The following PEMT variants were observed in gnomAD, a reference collection of about 807,000 sequenced individuals.
PEMT encodes phospholipid methyltransferase.
In PEMT, 23 loss-of-function variants were observed where a neutral mutation model predicts 27.4. That is an observed-to-expected ratio of 0.84 (90% CI 0.60 to 1.19). PEMT has a LOEUF of 1.19. Ranked by LOEUF, PEMT falls within the 50% of genes most tolerant of loss-of-function variation. The pLI, the probability that PEMT is intolerant of heterozygous loss-of-function variation, is 0.00. For synonymous variants in PEMT, 137 were observed against 139.1 expected, an observed-to-expected ratio of 0.98 and a Z score of 0.11; for missense variants, 307 against 310.1, an observed-to-expected ratio of 0.99 and a Z score of 0.07.
At chr17:17,507,173 G>A in intron 5 of PEMT, 1 of 1,561,078 alleles carries the variant, frequency 6.4e-7, no homozygotes, top group Non-Finnish European at 8.7e-7. Context: ...AGTTACCTCT[G>A]ATCCCACAGC....
intron 2 of PEMT, chr17:17,570,930 G>C: frequency 1.0e-6 from 1 of 984,972 alleles, no homozygotes; most frequent in Non-Finnish European, 1.2e-6. Flanking sequence ...GGAGTGATAG[G>C]GAAAGAACAG....
At chr17:17,519,341 C>T (rs1241818785) in intron 3 of PEMT, among the ~76,000 whole-genome samples, 1 of 152,214 alleles carries the variant, frequency 6.6e-6, no homozygotes, top group Non-Finnish European at 1.5e-5. Flanking sequence ...TTTCTCTCCT[C>T]CCCAAAATCC....
At chr17:17,591,386 T>TCCCCCCCCCCCCCCCCC in intron 1 of PEMT, 145 bp downstream of exon 1, 1 of 685,288 alleles carries the variant, frequency 1.5e-6, no homozygotes, top group South Asian at 2.0e-5. Context: ...CGCACGCGGC[T>TCCCCCCCCCCCCCCCCC]CCCCCACCCC....
intron 2 of PEMT, among the ~76,000 whole-genome samples, chr17:17,538,578 T>C (rs1238578625): frequency 6.6e-6 from 1 of 151,974 alleles, no homozygotes; most frequent in Non-Finnish European, 1.5e-5. Context: ...AAAAAATTAA[T>C]AAATACATTA....
intron 3 of PEMT, chr17:17,518,152 G>A (rs1360917253): frequency 6.1e-6 from 6 of 985,348 alleles, no homozygotes; most frequent in South Asian, 4.7e-5. Context: ...GTTCCATCCC[G>A]TGACTGGTGA....
chr17:17,524,600 CAAAA>C (rs35917481), intron 2 of PEMT, among the ~76,000 whole-genome samples: 1 of 129,338 alleles, frequency 7.7e-6, no homozygotes, highest in Admixed American at 7.8e-5. Context: ...CCTGTCTCTC[CAAAA>C]AAAAAAAAAA....
chr17:17,592,036 A>T, upstream of PEMT: 1 of 985,462 alleles, frequency 1.0e-6, no homozygotes, highest in Non-Finnish European at 1.2e-6. Context: ...AGCTATAAGC[A>T]GCTTCCCGCG....
At chr17:17,566,666 A>G (rs1321756514) in intron 2 of PEMT, among the ~76,000 whole-genome samples, 1 of 152,332 alleles carries the variant, frequency 6.6e-6, no homozygotes, top group East Asian at 1.9e-4. Flanking sequence ...GAGGAAGCAG[A>G]AAGTGCAAAG....
chr17:17,563,232 A>T (rs942517749), intron 2 of PEMT, among the ~76,000 whole-genome samples: 1 of 152,094 alleles, frequency 6.6e-6, no homozygotes, highest in Non-Finnish European at 1.5e-5. Context: ...GCTGCTCCTT[A>T]ACAGCACCTC....
At chr17:17,558,177 C>T (rs181992954) in intron 2 of PEMT, among the ~76,000 whole-genome samples, 12 of 151,208 alleles carry the variant, frequency 7.9e-5, no homozygotes, top group Non-Finnish European at 1.3e-4. Context: ...CTCCCGTCTC[C>T]ACACACATAC....
Position 17,584,939 on chromosome 17 carries a change from G to A in PEMT, c.96+6592C>T, listed in dbSNP as rs78090922. ...AGAAAGTGCAAGGAAAGCACTCAGCGCAGTGCCTGGCGGGGGGCATGGCTA... is the reference window on the plus strand; with the variant it reads ...AGAAAGTGCAAGGAAAGCACTCAGCACAGTGCCTGGCGGGGGGCATGGCTA... On this transcript the variant is annotated intron_variant, in intron 1 of 6. Coordinates refer to ENST00000255389, the MANE Select transcript of PEMT (RefSeq NM_148172.3). Among the ~76,000 whole-genome samples the A allele has an allele frequency of 6.9e-3, 1,049 of 152,346 alleles. 4 individuals are homozygous for A. The highest frequency in any genetic ancestry group is 0.012 in the Non-Finnish European group (796 of 68,024).
chr17:17,545,167 C>T (rs551313887), intron 2 of PEMT, among the ~76,000 whole-genome samples: 1 of 152,198 alleles, frequency 6.6e-6, no homozygotes, highest in African/African-American at 2.4e-5. Context: ...GCGTGTTGAG[C>T]GGGGCAGCCG....
At chr17:17,586,256 G>GAAAGAAAT (rs1912273753) in intron 1 of PEMT, among the ~76,000 whole-genome samples, 3 of 104,332 alleles carry the variant, frequency 2.9e-5, no homozygotes, top group Non-Finnish European at 5.7e-5. Context: ...AAGAAAGAAA[G>GAAAGAAAT]AAAGAAAGAA....
At chr17:17,555,643 GGCTCC>G (rs1909996868) in intron 2 of PEMT, among the ~76,000 whole-genome samples, 1 of 152,164 alleles carries the variant, frequency 6.6e-6, no homozygotes, top group Admixed American at 6.5e-5. Context: ...AGGTGGCCTG[GGCTCC>G]CCTGAAAGCC....
intron 1 of PEMT, among the ~76,000 whole-genome samples, chr17:17,578,320 A>C (rs1363274050): frequency 1.3e-5 from 2 of 151,684 alleles, no homozygotes; most frequent in Non-Finnish European, 2.9e-5. Flanking sequence ...GTTTGAGACC[A>C]GTCTAGGCAA....
At chr17:17,506,858 G>A in intron 5 of PEMT, 1 of 407,306 alleles carries the variant, frequency 2.5e-6, no homozygotes, top group Non-Finnish European at 4.5e-6. Flanking sequence ...CTTAGGAGCT[G>A]CCGCCCCGCC....
Position 17,505,853 on chromosome 17 carries a change from C to G in PEMT, c.654-5G>C. Reference sequence around the variant, plus strand: ...TAGATCTCAGCGGTGAAGGGCCTGCCGGGCAGCGGGGAGAGGCTTCGGTCA... The same window carrying G: ...TAGATCTCAGCGGTGAAGGGCCTGCGGGGCAGCGGGGAGAGGCTTCGGTCA... On this transcript the variant is annotated splice_polypyrimidine_tract_variant and splice_region_variant and intron_variant, in intron 6 of 6. Coordinates refer to ENST00000255389, the MANE Select transcript of PEMT (RefSeq NM_148172.3). 6.2e-7 allele frequency: 1 copy of G among 1,608,042 alleles called. No homozygotes were observed.
intron 5 of PEMT, 55 bp from the exon 6 acceptor site, chr17:17,506,356 C>G: frequency 1.5e-6 from 2 of 1,340,636 alleles, no homozygotes; most frequent in South Asian, 2.6e-5. Flanking sequence ...CTCAGGGCCA[C>G]GGCCCACCTG....
At chr17:17,584,896 C>T (rs915610858) in intron 1 of PEMT, among the ~76,000 whole-genome samples, 2 of 152,184 alleles carry the variant, frequency 1.3e-5, no homozygotes, top group South Asian at 2.1e-4. Flanking sequence ...TGCCATGGGA[C>T]GCCAGGAGGA....
Sources: gnomAD v4.1 joint callset for allele counts (sites outside exome capture counted in the v4.1 genomes callset) on GRCh38, gnomAD v4.1.1 for gene constraint, MANE v1.5 for transcripts, NCBI Gene and HGNC (gene_info 2026-07-23, HGNC 2026-07-21) for gene names.